KCNQ1: variants seen among roughly 807,000 people sequenced by gnomAD.
KCNQ1 encodes the protein potassium voltage-gated channel subfamily KQT member 1.
A neutral mutation model predicts 72.4 loss-of-function variants in KCNQ1; 49 were observed. The observed-to-expected ratio is 0.68, with a 90% CI of 0.54 to 0.86. KCNQ1 has a LOEUF of 0.86. Among genes scored for constraint, KCNQ1 ranks in the 40% least tolerant of loss-of-function variants. KCNQ1 has a pLI of 0.00. For synonymous variants in KCNQ1, 450 were observed against 412.6 expected (o/e 1.09, Z -1.10); for missense variants, 790 against 945.1 (o/e 0.84, Z 2.15).
chr11:2,766,528 C>T lies in KCNQ1; in HGVS notation c.1515-2316C>T, dbSNP rs1317498255. On this transcript the variant is annotated intron_variant, in intron 11 of 15. Coordinates refer to ENST00000155840, the MANE Select transcript of KCNQ1 (RefSeq NM_000218.3). This position sits in a 1 kb window ranked among gnomAD's most constrained non-coding sequence, Gnocchi z 4.4. ...TGAGCTTCAGAAGACATGATCATTT[C>T]CACCATGGTGGAGATAGACTCTAGC... 6.6e-6 allele frequency among the ~76,000 whole-genome samples: 1 copy of T among 152,218 alleles called. No homozygotes were observed. Among genetic ancestry groups the T allele is most frequent in the Non-Finnish European group, 1.5e-5 (1 of 68,034 alleles).
At chr11:2,845,826 G>A (rs936067167) in intron 15 of KCNQ1, among the ~76,000 whole-genome samples, 15 of 152,228 alleles carry the variant, frequency 9.9e-5, no homozygotes, top group African/African-American at 2.9e-4. Flanking sequence ...CTAGACAGAC[G>A]CTCGGCCCCA....
chr11:2,716,673 C>T (rs1268594160), intron 11 of KCNQ1, among the ~76,000 whole-genome samples: 1 of 152,226 alleles, frequency 6.6e-6, no homozygotes. Context: ...GCCCCAAGCC[C>T]CAGAGACTCC....
At chr11:2,472,274 CAT>C (rs1406735151) in intron 1 of KCNQ1, among the ~76,000 whole-genome samples, 3 of 147,140 alleles carry the variant, frequency 2.0e-5, no homozygotes, top group South Asian at 2.2e-4. Context: ...TGTATGTGCA[CAT>C]GTGTATAGGT....
At chr11:2,511,936 G>A (rs1357428956) in intron 1 of KCNQ1, among the ~76,000 whole-genome samples, 1 of 152,234 alleles carries the variant, frequency 6.6e-6, no homozygotes, top group Non-Finnish European at 1.5e-5. Context: ...AGGTCAGAGC[G>A]GGCATGGACA....
chr11:2,623,986 C>G lies in KCNQ1; in HGVS notation c.1393+35132C>G. 1 of 398,786 alleles carries G rather than the reference C, an allele frequency of 2.5e-6. No individual in the cohort carries two copies. Among genetic ancestry groups the G allele is most frequent in the Non-Finnish European group, 4.4e-6 (1 of 226,214 alleles). The allele number at this position is 398,786 out of a possible 1,614,324, so 24.7% of individuals were successfully genotyped here. A position where few individuals can be genotyped will look rare whatever the true frequency, so the allele number is the denominator to read the frequency against. Reference sequence around the variant, plus strand: ...CCAGGGCTGCACCACTTTACATTCCCATTAATGGTATATGTCAAAGTGGCT... The same window carrying G: ...CCAGGGCTGCACCACTTTACATTCCGATTAATGGTATATGTCAAAGTGGCT... On this transcript the variant is annotated intron_variant, in intron 10 of 15. Transcript: ENST00000155840. This position sits in a 1 kb window ranked among gnomAD's most constrained non-coding sequence, Gnocchi z 5.2.
intron 11 of KCNQ1, chr11:2,686,070 A>T: frequency 2.5e-6 from 1 of 399,122 alleles, no homozygotes; most frequent in Non-Finnish European, 4.4e-6. Flanking sequence ...CAGGGGAAGG[A>T]CAGGGCCAGC....
At chr11:2,797,580 C>T (rs142265741) in intron 15 of KCNQ1, among the ~76,000 whole-genome samples, 5 of 152,248 alleles carry the variant, frequency 3.3e-5, no homozygotes, top group Non-Finnish European at 5.9e-5. Context: ...GCTCGAGGGC[C>T]CTTTCCCCAC....
In KCNQ1 at chr11:2,809,916, G is replaced by T. The variant is rs2134038249; in HGVS notation, c.1794+31879G>T. 6.6e-6 allele frequency among the ~76,000 whole-genome samples: 1 copy of T among 152,102 alleles called. No individual in the cohort carries two copies. The highest frequency in any genetic ancestry group is 2.1e-4 in the South Asian group (1 of 4,812). ...TCCCTGGTACTCAGACCTGCTTAAT[G>T]CTCATTTCTTCAGTTTTCTGGGGAA... On this transcript the variant is annotated intron_variant, in intron 15 of 15. Coordinates refer to ENST00000155840, the MANE Select transcript of KCNQ1 (RefSeq NM_000218.3). The surrounding 1 kb of genome is among the most constrained non-coding windows in gnomAD (Gnocchi z 7.1).
intron 15 of KCNQ1, among the ~76,000 whole-genome samples, chr11:2,838,045 CTG>C (rs1346279518): frequency 1.3e-5 from 2 of 152,224 alleles, no homozygotes; most frequent in East Asian, 3.9e-4. Flanking sequence ...GTGGGACAGA[CTG>C]AGGAAGCCAG....
In KCNQ1 at chr11:2,588,930, G is replaced by T; in HGVS notation, c.1393+76G>T. The T allele has an allele frequency of 6.5e-7, 1 of 1,540,254 alleles. No individual in the cohort carries two copies. The highest frequency in any genetic ancestry group is 1.4e-5 in the African/African-American group (1 of 73,688). ...CTTTTTTGGGAGCCCGAGCAAGCCA[G>T]TGAGTTTCTCCCTTGGGCTGTGGTC... On this transcript the variant is annotated intron_variant, in intron 10 of 15. Coordinates refer to ENST00000155840, the MANE Select transcript of KCNQ1 (RefSeq NM_000218.3). This position sits in a 1 kb window ranked among gnomAD's most constrained non-coding sequence, Gnocchi z 5.6.
chr11:2,741,078 G>A (rs149711974), intron 11 of KCNQ1, among the ~76,000 whole-genome samples: 21 of 152,322 alleles, frequency 1.4e-4, no homozygotes, highest in Middle Eastern at 3.4e-3. Context: ...GTGTTCCTGT[G>A]TCTCCCTGCA....
chr11:2,474,273 C>T (rs879717907), intron 1 of KCNQ1, among the ~76,000 whole-genome samples: 14 of 152,082 alleles, frequency 9.2e-5, no homozygotes, highest in South Asian at 4.1e-4. Flanking sequence ...TTGTGGCGCC[C>T]GGGCCACAGC....
rs1590087656 is a variant in KCNQ1 at position 2,787,049 on chromosome 11, T to C, written c.1794+9012T>C. The stretch of plus-strand genomic sequence containing the variant: ...AGTTGGGGTCCTCAGGGAGGAATCA[T>C]GTTTACCCCTTCCATTGCCACATAT... On this transcript the variant is annotated intron_variant, in intron 15 of 15. Coordinates refer to ENST00000155840, the MANE Select transcript of KCNQ1 (RefSeq NM_000218.3). The surrounding 1 kb of genome is among the most constrained non-coding windows in gnomAD (Gnocchi z 6.3). 4.6e-5 allele frequency among the ~76,000 whole-genome samples: 7 copies of C among 151,682 alleles called. 1 individual carries two copies. The highest frequency in any genetic ancestry group is 4.6e-4 in the Admixed American group (7 of 15,206).
intron 1 of KCNQ1, among the ~76,000 whole-genome samples, chr11:2,469,668 A>G (rs1278681680): frequency 7.0e-6 from 1 of 142,146 alleles, no homozygotes; most frequent in East Asian, 2.1e-4. Context: ...CAGTTCTTTT[A>G]AACAATTTTT....
intron 2 of KCNQ1, among the ~76,000 whole-genome samples, chr11:2,557,027 C>T (rs1244076910): frequency 1.3e-5 from 2 of 152,318 alleles, no homozygotes; most frequent in Admixed American, 6.5e-5. Context: ...AAGGCCGTGC[C>T]GTAGCTCTGG....
rs1258992592 is a variant in KCNQ1, at chr11:2,725,556, G to A, written c.1515-43288G>A. On this transcript the variant is annotated intron_variant, in intron 11 of 15. Coordinates refer to ENST00000155840, the MANE Select transcript of KCNQ1 (RefSeq NM_000218.3). This position sits in a 1 kb window ranked among gnomAD's most constrained non-coding sequence, Gnocchi z 7.2. The stretch of plus-strand genomic sequence containing the variant: ...TTAGGAAGTGCATTCACGTGAAGTC[G>A]CCAAGTTCAAAGGGCTGCCCCTGGA... 2.0e-5 allele frequency among the ~76,000 whole-genome samples: 3 copies of A among 152,186 alleles called. No homozygotes were observed. Among genetic ancestry groups the A allele is most frequent in the East Asian group, 1.9e-4 (1 of 5,190 alleles).
In KCNQ1 at chr11:2,544,757, G is replaced by C. The variant is rs936226098; in HGVS notation, c.477+16739G>C. ...ATATGAATGATGTTTTCTGAACATA[G>C]AGACAGTTTTACCTCTTTTTTTCAA... On this transcript the variant is annotated intron_variant, in intron 2 of 15. Transcript: ENST00000155840. The surrounding 1 kb of genome is among the most constrained non-coding windows in gnomAD (Gnocchi z 4.4). Among the ~76,000 whole-genome samples, 1 of 152,268 alleles carries C rather than the reference G, an allele frequency of 6.6e-6. No homozygotes were observed. Among genetic ancestry groups the C allele is most frequent in the African/African-American group, 2.4e-5 (1 of 41,538 alleles).
chr11:2,790,428 G>T (rs1590089453), intron 15 of KCNQ1, among the ~76,000 whole-genome samples: 1 of 152,212 alleles, frequency 6.6e-6, no homozygotes, highest in South Asian at 2.1e-4. Flanking sequence ...ATGGGACCCT[G>T]AACCCCATAG....
intron 10 of KCNQ1, chr11:2,644,363 T>G: frequency 2.5e-6 from 1 of 398,412 alleles, no homozygotes; most frequent in Non-Finnish European, 4.4e-6. Flanking sequence ...TGGTCTGTTA[T>G]TGAAGCTTTC....
Sources: allele counts gnomAD v4.1 joint callset (sites outside exome capture counted in the v4.1 genomes callset), GRCh38; gene constraint gnomAD v4.1.1; non-coding constraint Gnocchi (gnomAD v3.1); transcripts MANE v1.5; gene names NCBI Gene and HGNC (gene_info 2026-07-23, HGNC 2026-07-21).